MYH15: variants seen among roughly 807,000 people sequenced by gnomAD.
MYH15 encodes myosin-15.
Under a neutral mutation model 240.5 loss-of-function variants are expected in MYH15, and 227 were observed. The observed-to-expected ratio is 0.94, with a 90% CI of 0.85 to 1.05. The LOEUF is 1.05. MYH15 is among the 50% of genes least tolerant of loss of function. The pLI, the probability that MYH15 is intolerant of heterozygous loss-of-function variation, is 0.00. For missense variants in MYH15, 2,217 were observed against 2,247.5 expected (o/e 0.99, Z 0.27); for synonymous variants, 785 against 796.7 (o/e 0.99, Z 0.25).
At chr3:108,501,065 C>G (rs1259797048) in intron 3 of MYH15, among the ~76,000 whole-genome samples, 15 of 152,146 alleles carry the variant, frequency 9.9e-5, no homozygotes, top group Admixed American at 9.2e-4. Context: ...TTTAAGCCAC[C>G]CAGCTTGTGG....
intron 30 of MYH15, among the ~76,000 whole-genome samples, chr3:108,413,246 A>T (rs959968361): frequency 1.3e-5 from 2 of 152,248 alleles, no homozygotes; most frequent in African/African-American, 4.8e-5. Context: ...CAGAGTTTTG[A>T]TAAAACATCT....
At chr3:108,481,252 G>A (rs1331114079) in intron 11 of MYH15, among the ~76,000 whole-genome samples, 3 of 152,272 alleles carry the variant, frequency 2.0e-5, no homozygotes, top group South Asian at 4.2e-4. Flanking sequence ...TAGAAAATGC[G>A]TAAAAAATAT....
chr3:108,415,654 A>G (rs1020668060), intron 29 of MYH15, among the ~76,000 whole-genome samples: 8 of 152,252 alleles, frequency 5.3e-5, no homozygotes, highest in African/African-American at 1.7e-4. Context: ...AACACGATCT[A>G]GAATGTTTGG....
chr3:108,498,023 C>G (rs772539068), intron 6 of MYH15, 29 bp downstream of exon 6: 7 of 1,603,088 alleles, frequency 4.4e-6, no homozygotes, highest in Middle Eastern at 1.7e-4. Flanking sequence ...GCCACCTCAT[C>G]TTTTCTACCA....
intron 2 of MYH15, among the ~76,000 whole-genome samples, chr3:108,502,870 A>G (rs2083448621): frequency 6.6e-6 from 1 of 152,028 alleles, no homozygotes; most frequent in Non-Finnish European, 1.5e-5. Flanking sequence ...TCTGTATTTC[A>G]AGGACTCATC....
At chr3:108,500,084 T>C in intron 4 of MYH15, 34 bp downstream of exon 4, 1 of 1,602,100 alleles carries the variant, frequency 6.2e-7, no homozygotes, top group Non-Finnish European at 8.5e-7. Flanking sequence ...AGATCAGATA[T>C]TTTTACTTTT....
the MYH15 span, among the ~76,000 whole-genome samples, chr3:108,535,564 G>C: frequency 6.6e-6 from 1 of 152,230 alleles, no homozygotes; most frequent in Non-Finnish European, 1.5e-5. Context: ...CAAACATTCA[G>C]TCTATAGCAG....
intron 29 of MYH15, among the ~76,000 whole-genome samples, chr3:108,415,005 A>G (rs190627325): frequency 1.6e-4 from 25 of 152,344 alleles, no homozygotes; most frequent in Admixed American, 6.5e-4. Flanking sequence ...GCTACTGAAC[A>G]TTCAAAATAT....
intron 30 of MYH15, among the ~76,000 whole-genome samples, chr3:108,412,199 CAT>C (rs1345775053): frequency 6.6e-6 from 1 of 152,178 alleles, no homozygotes; most frequent in African/African-American, 2.4e-5. Context: ...ATAATCCCCA[CAT>C]GTCATGGGAG....
chr3:108,540,572 A>T, the MYH15 span, among the ~76,000 whole-genome samples: 3 of 152,218 alleles, frequency 2.0e-5, no homozygotes, highest in Non-Finnish European at 4.4e-5. Flanking sequence ...TATCGAAAAG[A>T]TCTGATAAAA....
intron 1 of MYH15, among the ~76,000 whole-genome samples, chr3:108,529,026 A>G (rs899184619): frequency 7.2e-5 from 11 of 152,208 alleles, no homozygotes; most frequent in African/African-American, 2.7e-4. Flanking sequence ...ACACAAGAGC[A>G]CACAGAATGA....
At position 108,505,838 on chromosome 3, in the gene MYH15, C is replaced by CAAAA. The variant is rs55971936; in HGVS notation, c.89-13_89-10dup. On this transcript the variant is annotated splice_polypyrimidine_tract_variant and intron_variant, in intron 1 of 40. Coordinates refer to ENST00000693548, the MANE Select transcript of MYH15 (RefSeq NM_014981.3). ...CCAGCATTTCTTCTTCCCTGTAGAG[C>CAAAA]AAAAAAAAAAAAAAATGGATTATAG... The CAAAA allele has an allele frequency of 6.7e-5, 86 of 1,278,898 alleles. No homozygotes were observed. The highest frequency in any genetic ancestry group is 5.8e-4 in the East Asian group (22 of 38,182). The allele number at this position is 1,278,898 out of a possible 1,614,324, so 79.2% of individuals were successfully genotyped here.
intron 12 of MYH15, among the ~76,000 whole-genome samples, chr3:108,475,583 T>C (rs1301872356): frequency 6.6e-6 from 1 of 152,170 alleles, no homozygotes; most frequent in Non-Finnish European, 1.5e-5. Flanking sequence ...TGGGAGGCCG[T>C]GTGTCCCAGA....
intron 13 of MYH15, 49 bp from the exon 14 acceptor site, chr3:108,470,261 G>A: frequency 7.3e-7 from 1 of 1,369,142 alleles, no homozygotes; most frequent in Non-Finnish European, 9.9e-7. Context: ...TAAAATTGAG[G>A]TCCACTTTCA....
At chr3:108,390,487 T>G (rs1036636179) in intron 37 of MYH15, among the ~76,000 whole-genome samples, 1 of 152,250 alleles carries the variant, frequency 6.6e-6, no homozygotes, top group South Asian at 2.1e-4. Flanking sequence ...TACTTTTAAA[T>G]TTTATACCTA....
intron 14 of MYH15, among the ~76,000 whole-genome samples, chr3:108,466,961 C>A (rs1185369611): frequency 6.6e-6 from 1 of 152,126 alleles, no homozygotes; most frequent in Non-Finnish European, 1.5e-5. Flanking sequence ...AATAGACTTA[C>A]TTATTGGTTT....
chr3:108,461,444 T>C (rs1354578732), intron 16 of MYH15, among the ~76,000 whole-genome samples: 2 of 152,152 alleles, frequency 1.3e-5, no homozygotes, highest in African/African-American at 4.8e-5. Context: ...CGTCAGAAAC[T>C]TGGAGGCAAG....
At chr3:108,537,279 C>T in the MYH15 span, among the ~76,000 whole-genome samples, 1 of 152,190 alleles carries the variant, frequency 6.6e-6, no homozygotes, top group African/African-American at 2.4e-5. Flanking sequence ...CCTGAGAGGA[C>T]ACACAGTCCC....
chr3:108,542,699 GC>G, the MYH15 span, among the ~76,000 whole-genome samples: 4 of 151,946 alleles, frequency 2.6e-5, no homozygotes, highest in Non-Finnish European at 4.4e-5. Flanking sequence ...ATGCTCTCTT[GC>G]CCCCCACTCC....
Sources: allele counts gnomAD v4.1 joint callset (sites outside exome capture counted in the v4.1 genomes callset), GRCh38; gene constraint gnomAD v4.1.1; transcripts MANE v1.5; gene names NCBI Gene and HGNC (gene_info 2026-07-23, HGNC 2026-07-21).